THSD7B: variants seen among roughly 807,000 people sequenced by gnomAD.
The protein encoded by THSD7B is thrombospondin type-1 domain-containing protein 7B.
In THSD7B, 138 loss-of-function variants were observed where a neutral mutation model predicts 213.6. The ratio of observed to expected loss-of-function variants is 0.65; its 90% CI spans 0.56 to 0.74. The LOEUF (loss-of-function observed/expected upper bound fraction) is 0.74, where lower values mean the gene tolerates loss of function less well. THSD7B is among the 30% of genes least tolerant of loss of function. THSD7B has a pLI of 0.00. For missense variants in THSD7B, 1,931 were observed against 1,991.5 expected (o/e 0.97, Z 0.58); for synonymous variants, 742 against 687.0 (o/e 1.08, Z -1.25).
intron 2 of THSD7B, among the ~76,000 whole-genome samples, chr2:137,023,833 C>T (rs956074532): frequency 1.3e-5 from 2 of 151,950 alleles, no homozygotes; most frequent in Non-Finnish European, 2.9e-5. Flanking sequence ...GGGTATGAGC[C>T]ACCTACATAA....
Position 137,616,189 on chromosome 2 carries a change from C to T in THSD7B, c.3438C>T (p.His1146=). ...WSKCPQSCDP[H]TMQRRTRHLL... ...GATTTTAATAGTCATGCGATCCCCA[C>T]ACAATGCAGAGAAGAACTCGCCACC... The change falls in exon 18 of 28, where the codon CAC becomes CAT. Residue 1146 remains histidine (H), a synonymous_variant. Transcript: ENST00000409968. 2 of 1,613,106 alleles carry T rather than the reference C, an allele frequency of 1.2e-6. No homozygotes were observed. Among genetic ancestry groups the T allele is most frequent in the Non-Finnish European group, 1.7e-6 (2 of 1,179,542 alleles).
intron 15 of THSD7B, chr2:137,538,465 C>G (rs762486843): frequency 7.7e-6 from 4 of 516,406 alleles, no homozygotes; most frequent in Admixed American, 2.0e-5. Context: ...TTATCATGCA[C>G]TGCTAACATG....
intron 26 of THSD7B, 79 bp downstream of exon 26, chr2:137,663,654 A>G: frequency 7.8e-7 from 1 of 1,288,546 alleles, no homozygotes; most frequent in Non-Finnish European, 1.1e-6. Context: ...TGATGGAAAG[A>G]ATGGAGGGAA....
intron 12 of THSD7B, among the ~76,000 whole-genome samples, chr2:137,279,884 C>G (rs1682963411): frequency 6.6e-6 from 1 of 152,124 alleles, no homozygotes; most frequent in Non-Finnish European, 1.5e-5. Flanking sequence ...GATTTAAAGC[C>G]TTTATCAATT....
intron 17 of THSD7B, among the ~76,000 whole-genome samples, chr2:137,577,911 G>A (rs189662775): frequency 9.4e-4 from 143 of 152,256 alleles, no homozygotes; most frequent in South Asian, 8.1e-3. Context: ...CGATTGTAAC[G>A]CGATTCAAGA....
intron 3 of THSD7B, among the ~76,000 whole-genome samples, chr2:137,071,582 T>A (rs1424317243): frequency 6.6e-6 from 1 of 152,224 alleles, no homozygotes; most frequent in Non-Finnish European, 1.5e-5. Context: ...TTTGTCAATA[T>A]TGGCTTTTGT....
chr2:137,233,951 G>C (rs1327150125), intron 9 of THSD7B, among the ~76,000 whole-genome samples: 1 of 152,180 alleles, frequency 6.6e-6, no homozygotes, highest in African/African-American at 2.4e-5. Context: ...ACAGGTGTGG[G>C]CCACTAGGAT....
At chr2:137,226,067 T>C (rs963901029) in intron 7 of THSD7B, among the ~76,000 whole-genome samples, 2 of 151,872 alleles carry the variant, frequency 1.3e-5, no homozygotes, top group African/African-American at 2.4e-5. Context: ...CTACTTACTC[T>C]GTTGATATCT....
intron 27 of THSD7B, among the ~76,000 whole-genome samples, chr2:137,673,409 A>G (rs1683621886): frequency 6.6e-6 from 1 of 152,182 alleles, no homozygotes; most frequent in Admixed American, 6.5e-5. Flanking sequence ...AGGAGAGAAT[A>G]GAGTGATGGA....
chr2:137,303,750 A>ATATATATT (rs1683671989), intron 12 of THSD7B, among the ~76,000 whole-genome samples: 1 of 138,024 alleles, frequency 7.2e-6, no homozygotes, highest in African/African-American at 2.9e-5. Flanking sequence ...TTATATATAT[A>ATATATATT]TACAGATATA....
At chr2:137,321,884 T>A (rs1684270409) in intron 12 of THSD7B, among the ~76,000 whole-genome samples, 1 of 151,794 alleles carries the variant, frequency 6.6e-6, no homozygotes, top group Admixed American at 6.6e-5. Flanking sequence ...CTTCTGTGCC[T>A]TGTGAGCAGG....
intron 5 of THSD7B, among the ~76,000 whole-genome samples, chr2:137,118,902 A>G (rs1283565613): frequency 6.6e-6 from 1 of 152,186 alleles, no homozygotes; most frequent in African/African-American, 2.4e-5. Context: ...GCAGCAGACA[A>G]GAAAGAATGA....
At chr2:136,893,044 G>C (rs1417796156) in intron 2 of THSD7B, among the ~76,000 whole-genome samples, 1 of 152,126 alleles carries the variant, frequency 6.6e-6, no homozygotes, top group Non-Finnish European at 1.5e-5. Flanking sequence ...AGCAGGGAGT[G>C]AAAATTATAC....
chr2:136,903,925 GGTGTGTGTGT>G (rs775988420), intron 2 of THSD7B, among the ~76,000 whole-genome samples: 3 of 108,724 alleles, frequency 2.8e-5, no homozygotes, highest in African/African-American at 1.0e-4. Context: ...CTTCCTGTGA[GGTGTGTGTGT>G]GTGTGTGTGT....
intron 15 of THSD7B, among the ~76,000 whole-genome samples, chr2:137,535,049 T>C (rs1680475664): frequency 6.6e-6 from 1 of 151,840 alleles, no homozygotes; most frequent in South Asian, 2.1e-4. Flanking sequence ...AACATTTTAT[T>C]TAACTTGATG....
In THSD7B at chr2:137,313,391, C is replaced by T. The variant is rs188693234; in HGVS notation, c.2500+37365C>T. Among the ~76,000 whole-genome samples the T allele has an allele frequency of 8.8e-4, 134 of 152,130 alleles. 3 individuals are homozygous for T. The East Asian group carries it at 0.024, about 27-fold the overall frequency. On this transcript the variant is annotated intron_variant, in intron 12 of 27. Transcript: ENST00000409968. ...CTTCCTCCATCCTTTTATTTTGAGCCTATGTGTGTTTCTGCACATGAGATG... is the reference window on the plus strand; with the variant it reads ...CTTCCTCCATCCTTTTATTTTGAGCTTATGTGTGTTTCTGCACATGAGATG...
At chr2:137,001,381 G>A (rs1685995553) in intron 2 of THSD7B, among the ~76,000 whole-genome samples, 1 of 152,044 alleles carries the variant, frequency 6.6e-6, no homozygotes. Context: ...AAATGATATT[G>A]TGCCTTCACA....
At chr2:136,827,490 G>T (rs917760459) in intron 1 of THSD7B, among the ~76,000 whole-genome samples, 2 of 152,166 alleles carry the variant, frequency 1.3e-5, no homozygotes, top group East Asian at 1.9e-4. Context: ...TTTGAGGAAA[G>T]AATAACCCAG....
At chr2:136,974,411 C>T (rs1685448486) in intron 2 of THSD7B, among the ~76,000 whole-genome samples, 1 of 151,976 alleles carries the variant, frequency 6.6e-6, no homozygotes. Flanking sequence ...CATGTGTTCT[C>T]ATTGTTCAGC....
Sources: gnomAD v4.1 joint callset for allele counts (sites outside exome capture counted in the v4.1 genomes callset) on GRCh38, gnomAD v4.1.1 for gene constraint, MANE v1.5 for transcripts, NCBI Gene and HGNC (gene_info 2026-07-23, HGNC 2026-07-21) for gene names.